The following KYNU variants were observed in gnomAD, a reference collection of about 807,000 sequenced individuals.
The protein encoded by KYNU is L-kynurenine hydrolase.
Under a neutral mutation model 59.2 loss-of-function variants are expected in KYNU, and 54 were observed. That is an observed-to-expected ratio of 0.91 (90% CI 0.73 to 1.14). The LOEUF (loss-of-function observed/expected upper bound fraction) is 1.14. KYNU is among the 50% of genes most tolerant of loss of function. The probability of loss-of-function intolerance (pLI) is 0.00; values close to 1 mark genes in which losing one functional copy is unlikely to be tolerated. For missense variants in KYNU, 567 were observed against 554.4 expected, an observed-to-expected ratio of 1.02 and a Z score of -0.23; for synonymous variants, 177 against 192.0, an observed-to-expected ratio of 0.92 and a Z score of 0.65.
intron 2 of KYNU, among the ~76,000 whole-genome samples, chr2:142,896,064 C>G (rs1162638537): frequency 2.0e-5 from 3 of 152,138 alleles, no homozygotes; most frequent in Non-Finnish European, 4.4e-5. Context: ...TAAAAACATT[C>G]TTAGCTTTCA....
intron 8 of KYNU, among the ~76,000 whole-genome samples, chr2:142,975,543 CT>C (rs1684858540): frequency 6.6e-6 from 1 of 152,190 alleles, no homozygotes; most frequent in African/African-American, 2.4e-5. Context: ...TGAAAGAGCA[CT>C]AATTGTAACA....
At chr2:143,014,978 T>C (rs765243198) in intron 10 of KYNU, among the ~76,000 whole-genome samples, 16 of 152,180 alleles carry the variant, frequency 1.1e-4, no homozygotes, top group Admixed American at 9.2e-4. Flanking sequence ...ACTGTAATCT[T>C]GAGTTCCTGG....
At chr2:142,922,661 T>C (rs1332603916) in intron 3 of KYNU, among the ~76,000 whole-genome samples, 2 of 152,214 alleles carry the variant, frequency 1.3e-5, no homozygotes, top group African/African-American at 4.8e-5. Context: ...TCCAGTTTTA[T>C]GGCCTATTGC....
rs528973195 is a variant in KYNU, at chr2:142,939,941, A to G, written c.373+12200A>G. On this transcript the variant is annotated intron_variant, in intron 4 of 13. Coordinates refer to ENST00000264170, the MANE Select transcript of KYNU (RefSeq NM_003937.3). ...CTTAGGTCTGGAACCCAGGGCCAGA[A>G]TCTTTGACAGCCAGATCCAGTAAAG... Among the ~76,000 whole-genome samples the G allele has an allele frequency of 2.0e-5, 3 of 152,322 alleles. No individual in the cohort carries two copies. In the East Asian group the frequency reaches 5.8e-4, roughly 29 times the overall value.
intron 3 of KYNU, among the ~76,000 whole-genome samples, chr2:142,919,672 G>A (rs1682803528): frequency 6.6e-6 from 1 of 152,194 alleles, no homozygotes; most frequent in African/African-American, 2.4e-5. Flanking sequence ...AATGGCTCAT[G>A]CCTGTAATTG....
chr2:143,032,194 C>T (rs1291304249), intron 11 of KYNU, among the ~76,000 whole-genome samples: 7 of 151,954 alleles, frequency 4.6e-5, no homozygotes, highest in African/African-American at 9.7e-5. Context: ...AGGAGAATGG[C>T]GTGAACCCGT....
At chr2:142,927,805 C>T (rs1683092587) in intron 4 of KYNU, 64 bp downstream of exon 4, 3 of 1,098,944 alleles carry the variant, frequency 2.7e-6, no homozygotes, top group Non-Finnish European at 4.2e-6. Context: ...TAGTTATAAA[C>T]ACAGGCTCAT....
Position 143,042,553 on chromosome 2 carries a change from C to T in KYNU, c.*381C>T, listed in dbSNP as rs1179042492. ...GAAATATTACTTTAGCTTCAATTTA[C>T]CAAGGAGTTTCTTTGAAGCATTGTA... is the stretch of plus-strand genomic sequence containing the variant. On this transcript the variant is annotated 3_prime_UTR_variant, in exon 14 of 14. Coordinates refer to ENST00000264170, the MANE Select transcript of KYNU (RefSeq NM_003937.3). 1 of 173,856 alleles carries T rather than the reference C, an allele frequency of 5.8e-6. No individual in the cohort carries two copies. Among genetic ancestry groups the T allele is most frequent in the Non-Finnish European group, 1.2e-5 (1 of 84,222 alleles). The allele number at this position is 173,856 out of a possible 1,614,324, so 10.8% of individuals were successfully genotyped here. A position where few individuals can be genotyped will look rare whatever the true frequency, so the allele number is the denominator to read the frequency against.
At chr2:142,898,964 A>C (rs1256940205) in intron 2 of KYNU, among the ~76,000 whole-genome samples, 1 of 152,156 alleles carries the variant, frequency 6.6e-6, no homozygotes, top group Non-Finnish European at 1.5e-5. Flanking sequence ...AGAAATGGGC[A>C]CCTTGCTGGA....
chr2:143,030,388 G>A (rs1278410913), intron 11 of KYNU, among the ~76,000 whole-genome samples: 2 of 152,136 alleles, frequency 1.3e-5, no homozygotes, highest in Non-Finnish European at 2.9e-5. Context: ...AAGATCATAC[G>A]TGCTTTGAGA....
intron 4 of KYNU, among the ~76,000 whole-genome samples, chr2:142,942,139 T>C (rs1683620416): frequency 7.1e-6 from 1 of 140,734 alleles, no homozygotes; most frequent in South Asian, 2.2e-4. Context: ...ATCATGCTGC[T>C]GCACTACATC....
intron 2 of KYNU, among the ~76,000 whole-genome samples, chr2:142,894,469 C>T (rs1681804585): frequency 6.6e-6 from 1 of 152,084 alleles, no homozygotes; most frequent in African/African-American, 2.4e-5. Flanking sequence ...TAGTAAAATG[C>T]AGAAATCATA....
intron 10 of KYNU, among the ~76,000 whole-genome samples, chr2:143,002,849 G>C (rs1160228031): frequency 6.6e-6 from 1 of 152,042 alleles, no homozygotes; most frequent in Non-Finnish European, 1.5e-5. Flanking sequence ...TATTATCTTT[G>C]ATATGTAAAT....
At chr2:142,966,962 G>T (rs1438821327) in intron 8 of KYNU, among the ~76,000 whole-genome samples, 1 of 148,526 alleles carries the variant, frequency 6.7e-6, no homozygotes, top group Non-Finnish European at 1.5e-5. Flanking sequence ...TCACTGAATA[G>T]TTCCACACTA....
chr2:142,986,533 A>C (rs1433454140), intron 10 of KYNU, among the ~76,000 whole-genome samples: 1 of 151,940 alleles, frequency 6.6e-6, no homozygotes, highest in Non-Finnish European at 1.5e-5. Context: ...TGAACACTGA[A>C]CAACAGACTG....
chr2:142,897,349 A>G (rs552781243), intron 2 of KYNU, among the ~76,000 whole-genome samples: 2 of 152,334 alleles, frequency 1.3e-5, no homozygotes, highest in African/African-American at 4.8e-5. Context: ...TATGGACATA[A>G]TCATAAATCC....
chr2:142,903,388 G>T (rs1682176077), intron 2 of KYNU, among the ~76,000 whole-genome samples: 1 of 152,066 alleles, frequency 6.6e-6, no homozygotes, highest in Non-Finnish European at 1.5e-5. Flanking sequence ...GGTGTATAAT[G>T]GTCCCTGCTT....
chr2:143,050,671 AG>A lies in KYNU; in HGVS notation c.*8500del, dbSNP rs1687250491. ...TTTAACTTATTAAAAAACAGACTGA[AG>A]AAAGACTGGGTGTGAAGTCAGTAAA... On this transcript the variant is annotated 3_prime_UTR_variant, in exon 14 of 14. Transcript: ENST00000264170. 6.6e-6 allele frequency: 1 copy of A among 152,242 alleles called. No individual in the cohort carries two copies. The highest frequency in any genetic ancestry group is 6.5e-5 in the Admixed American group (1 of 15,276). The allele number at this position is 152,242 out of a possible 1,614,324, so 9.4% of individuals were successfully genotyped here.
At chr2:143,037,559 G>T (rs1260979561) in intron 12 of KYNU, among the ~76,000 whole-genome samples, 2 of 152,014 alleles carry the variant, frequency 1.3e-5, no homozygotes, top group African/African-American at 2.4e-5. Flanking sequence ...GAATTTAAGA[G>T]AAAAATATGA....
Sources: allele counts gnomAD v4.1 joint callset (sites outside exome capture counted in the v4.1 genomes callset), GRCh38; gene constraint gnomAD v4.1.1; transcripts MANE v1.5; gene names NCBI Gene and HGNC (gene_info 2026-07-23, HGNC 2026-07-21).